The following WDCP variants were observed in gnomAD, a reference collection of about 807,000 sequenced individuals.
The protein encoded by WDCP is WD repeat and coiled-coil-containing protein.
Under a neutral mutation model 41.6 loss-of-function variants are expected in WDCP, and 19 were observed. The observed-to-expected ratio is 0.46, with a 90% CI of 0.32 to 0.67. WDCP has a LOEUF of 0.67. WDCP is among the 30% of genes least tolerant of loss of function. The probability of loss-of-function intolerance (pLI) is 0.04; values close to 1 mark genes in which losing one functional copy is unlikely to be tolerated. For synonymous variants in WDCP, 302 were observed against 320.8 expected, an observed-to-expected ratio of 0.94 and a Z score of 0.63; for missense variants, 802 against 850.7, an observed-to-expected ratio of 0.94 and a Z score of 0.71.
At position 24,032,830 on chromosome 2, in the gene WDCP, A is replaced by C; in HGVS notation, c.1935T>G (p.His645Gln). Residue 645 changes from histidine (H) to glutamine (Q), a missense_variant and splice_region_variant, in exon 3 of 4, where the codon CAT becomes CAG. His to Gln is a conservative substitution (Grantham distance 24). Transcript: ENST00000295148. ...TFGLSLIEMLHDSHWILLSAD... is the reference protein window; with the variant it reads ...TFGLSLIEMLQDSHWILLSAD... ...GGTCAATTTCTGAGCACGACCTACCATGTAGCATTTCAATGAGAGAAAGGC... is the reference window on the plus strand; with the variant it reads ...GGTCAATTTCTGAGCACGACCTACCCTGTAGCATTTCAATGAGAGAAAGGC... 6.3e-7 allele frequency: 1 copy of C among 1,575,908 alleles called. No homozygotes were observed. The highest frequency in any genetic ancestry group is 8.7e-7 in the Non-Finnish European group (1 of 1,145,270).
At chr2:24,034,190 G>A (rs1258759787) in intron 2 of WDCP, among the ~76,000 whole-genome samples, 3 of 152,186 alleles carry the variant, frequency 2.0e-5, no homozygotes, top group Admixed American at 6.5e-5. Flanking sequence ...GAAGGCCAAG[G>A]CGGGTGGATC....
At chr2:24,032,760 G>C (rs1037879820) in intron 3 of WDCP, 69 bp downstream of exon 3, 1 of 839,400 alleles carries the variant, frequency 1.2e-6, no homozygotes, top group Non-Finnish European at 2.1e-6. Context: ...TTTCATTACC[G>C]GCATAGTTAA....
intron 2 of WDCP, among the ~76,000 whole-genome samples, chr2:24,034,237 A>G (rs538897094): frequency 1.3e-5 from 2 of 152,284 alleles, no homozygotes; most frequent in South Asian, 2.1e-4. Flanking sequence ...CCTGGCCAAC[A>G]TGGTGAAACC....
At chr2:24,043,874 T>C (rs72781695) in intron 1 of WDCP, among the ~76,000 whole-genome samples, 23,805 of 151,222 alleles carry the variant, frequency 0.16, 2,082 homozygotes, top group South Asian at 0.2. Context: ...TCCTTGCTCT[T>C]AGGATCTTTC....
chr2:24,043,899 A>AG (rs1294329126), intron 1 of WDCP, among the ~76,000 whole-genome samples: 3 of 151,454 alleles, frequency 2.0e-5, no homozygotes, highest in East Asian at 1.9e-4. Flanking sequence ...AAAAAAAAAA[A>AG]GGGTCTATTA....
rs1278019001 is a variant in WDCP at position 24,039,124 on chromosome 2, T to C, written c.371A>G (p.Lys124Arg). Residue 124 changes from lysine (K) to arginine (R), a missense_variant, in exon 2 of 4, where the codon AAA becomes AGA. Transcript: ENST00000295148. ...ILPQGCVWHP[K>R]CAILTVLTAQ... ...AGTCAACACAGTCAGAATAGCACAT[T>C]TTGGGTGCCACACACAGCCCTGGGG... 1 of 1,614,170 alleles carries C rather than the reference T, an allele frequency of 6.2e-7. No individual in the cohort carries two copies. Among genetic ancestry groups the C allele is most frequent in the Admixed American group, 1.7e-5 (1 of 60,018 alleles).
chr2:24,046,091 G>T (rs1663616331), intron 1 of WDCP, among the ~76,000 whole-genome samples: 2 of 150,928 alleles, frequency 1.3e-5, no homozygotes, highest in Non-Finnish European at 3.0e-5. Context: ...TCCAGCCTGG[G>T]TGACAGAGTG....
chr2:24,038,063 G>T lies in WDCP; in HGVS notation c.1432C>A (p.Leu478Met). The T allele has an allele frequency of 6.2e-7, 1 of 1,614,116 alleles. No homozygotes were observed. Among genetic ancestry groups the T allele is most frequent in the South Asian group, 1.1e-5 (1 of 91,066 alleles). Residue 478 changes from leucine (L) to methionine (M), a missense_variant, in exon 2 of 4, where the codon CTG becomes ATG. Physicochemically the swap from Leu to Met is conservative, Grantham distance 15. Coordinates refer to ENST00000295148, the MANE Select transcript of WDCP (RefSeq NM_025203.3). Reference sequence around the variant, plus strand: ...CTACTGGTATTAACTGTCAGCAACAGCCCTTTGTTTTGGTGACAAAAATCT... The same window carrying T: ...CTACTGGTATTAACTGTCAGCAACATCCCTTTGTTTTGGTGACAAAAATCT... ...SPDFCHQNKG[L>M]LLTVNTSSQN...
At chr2:24,031,680 G>A (rs923611257) in intron 3 of WDCP, among the ~76,000 whole-genome samples, 1 of 152,074 alleles carries the variant, frequency 6.6e-6, no homozygotes, top group Non-Finnish European at 1.5e-5. Flanking sequence ...CAAAATATTA[G>A]CCAGGCGTGG....
rs1663342762 is a variant in WDCP at position 24,038,996 on chromosome 2, C to T, written c.499G>A (p.Asp167Asn). 6.2e-7 allele frequency: 1 copy of T among 1,614,198 alleles called. No individual in the cohort carries two copies. Among genetic ancestry groups the T allele is most frequent in the Non-Finnish European group, 8.5e-7 (1 of 1,180,042 alleles). The change falls in exon 2 of 4, where the codon GAT becomes AAT. Residue 167 changes from aspartate to asparagine, a missense_variant. By Grantham distance (23) the Asp-to-Asn change is conservative (BLOSUM62 1). Transcript: ENST00000295148. ...GRIHCACWTQ[D>N]GLRLVVAVGS... is the part of the protein sequence containing the mutation. ...ACTGCCACCACCAGCCTCAGGCCAT[C>T]CTGGGTCCAACATGCACAGTGAATG...
In WDCP at chr2:24,030,462, A is replaced by T. The variant is rs1364293060; in HGVS notation, c.*471T>A. 1 of 152,916 alleles carries T rather than the reference A, an allele frequency of 6.5e-6. No individual in the cohort carries two copies. Among genetic ancestry groups the T allele is most frequent in the African/African-American group, 2.4e-5 (1 of 41,444 alleles). The allele number at this position is 152,916 out of a possible 1,614,324, so 9.5% of individuals were successfully genotyped here. On this transcript the variant is annotated 3_prime_UTR_variant, in exon 4 of 4. Transcript: ENST00000295148. ...TCTGGTCCTCCTTGGAGCTCTGCTA[A>T]TTCTTGCTGGTTTGAGGTTAATATG...
In WDCP at chr2:24,038,985, C is replaced by T; in HGVS notation, c.510G>A (p.Arg170=). The change falls in exon 2 of 4, where the codon AGG becomes AGA. Residue 170 remains arginine, a synonymous_variant. Transcript: ENST00000295148. ...HCACWTQDGL[R]LVVAVGSSLH... ...GGCTGCTGCCTACTGCCACCACCAG[C>T]CTCAGGCCATCCTGGGTCCAACATG... 6.2e-7 allele frequency: 1 copy of T among 1,614,194 alleles called. No homozygotes were observed. The highest frequency in any genetic ancestry group is 8.5e-7 in the Non-Finnish European group (1 of 1,180,044).
chr2:24,034,390 G>A lies in WDCP; in HGVS notation c.1819-1444C>T, dbSNP rs113031298. On this transcript the variant is annotated intron_variant, in intron 2 of 3. Transcript: ENST00000295148. ...AGCCAAGATCGCGCCACTGCACTCC[G>A]GCCTGGGTGACAAAGCAAAGCTCTA... is the stretch of plus-strand genomic sequence containing the variant. Among the ~76,000 whole-genome samples the A allele has an allele frequency of 7.9e-3, 1,208 of 152,098 alleles. 9 individuals carry two copies. The highest frequency in any genetic ancestry group is 0.033 in the South Asian group (161 of 4,810).
In WDCP at chr2:24,038,834, T is replaced by G; in HGVS notation, c.661A>C (p.Thr221Pro). Residue 221 changes from threonine to proline, a missense_variant, in exon 2 of 4, where the codon ACT becomes CCT. Coordinates refer to ENST00000295148, the MANE Select transcript of WDCP (RefSeq NM_025203.3). ...CAGATCTTATCCAATGGAAGCTCAGTAGCTATAGCAACCTGTGAGTCCACA... is the reference window on the plus strand; with the variant it reads ...CAGATCTTATCCAATGGAAGCTCAGGAGCTATAGCAACCTGTGAGTCCACA... ...ATVDSQVAIATELPLDKICGL... is the reference protein window; with the variant it reads ...ATVDSQVAIAPELPLDKICGL... The G allele has an allele frequency of 6.2e-7, 1 of 1,614,222 alleles. No individual in the cohort carries two copies. Among genetic ancestry groups the G allele is most frequent in the Non-Finnish European group, 8.5e-7 (1 of 1,180,020 alleles).
At chr2:24,045,600 C>CAAA (rs869243363) in intron 1 of WDCP, among the ~76,000 whole-genome samples, 2 of 64,404 alleles carry the variant, frequency 3.1e-5, no homozygotes, top group African/African-American at 6.3e-5. Flanking sequence ...GACTCCATCT[C>CAAA]AAAAAAAAAA....
Position 24,047,373 on chromosome 2 carries a change from G to A in WDCP, c.-78C>T, listed in dbSNP as rs935208506. 1.3e-5 allele frequency: 2 copies of A among 152,030 alleles called. No homozygotes were observed. Among genetic ancestry groups the A allele is most frequent in the African/African-American group, 2.4e-5 (1 of 41,360 alleles). 9.4% of individuals were successfully genotyped at this position (152,030 alleles called of 1,614,324 possible). ...CTCTGTGGCCGCCCAACATCACGCC[G>A]CCGCACATAAGAAGTTCTGGGCAGC... is the stretch of plus-strand genomic sequence containing the variant. On this transcript the variant is annotated 5_prime_UTR_variant, in exon 1 of 4. Transcript: ENST00000295148.
In WDCP at chr2:24,030,980, T is replaced by A; in HGVS notation, c.2119A>T (p.Ser707Cys). 1 of 1,614,188 alleles carries A rather than the reference T, an allele frequency of 6.2e-7. No individual in the cohort carries two copies. Among genetic ancestry groups the A allele is most frequent in the Non-Finnish European group, 8.5e-7 (1 of 1,180,042 alleles). The change falls in exon 4 of 4, where the codon AGT becomes TGT. Residue 707 changes from serine (S) to cysteine (C), a missense_variant. Transcript: ENST00000295148. ...LKVFTGLAAP[S>C]LDTTGCCNHV... Reference sequence around the variant, plus strand: ...TTACAACAGCCAGTGGTATCTAAACTGGGGGCAGCAAGGCCTGTAAAGACT... The same window carrying A: ...TTACAACAGCCAGTGGTATCTAAACAGGGGGCAGCAAGGCCTGTAAAGACT...
At chr2:24,043,821 T>C (rs899471332) in intron 1 of WDCP, among the ~76,000 whole-genome samples, 1 of 152,210 alleles carries the variant, frequency 6.6e-6, no homozygotes, top group African/African-American at 2.4e-5. Context: ...CCTGGTGATT[T>C]GCTTATCTGT....
rs35044474 is a variant in WDCP, at chr2:24,042,535, C to CAA, written c.-18-3025_-18-3024dup. Among the ~76,000 whole-genome samples the CAA allele has an allele frequency of 5.7e-3, 348 of 61,234 alleles. 4 individuals are homozygous for CAA. The highest frequency in any genetic ancestry group is 0.012 in the Middle Eastern group (1 of 86). The allele number at this position is 61,234 out of a possible 152,430, so 40.2% of individuals were successfully genotyped here. ...TGGGTGACAGAGCAATACTCCGTCT[C>CAA]AAAAAAAAAAAAAAAAAAAAAAAAT... On this transcript the variant is annotated intron_variant, in intron 1 of 3. Transcript: ENST00000295148.
Sources: allele counts gnomAD v4.1 joint callset (sites outside exome capture counted in the v4.1 genomes callset), GRCh38; gene constraint gnomAD v4.1.1; transcripts MANE v1.5; gene names NCBI Gene and HGNC (gene_info 2026-07-23, HGNC 2026-07-21).